The following ZNF804B variants were observed in gnomAD, a reference collection of about 807,000 sequenced individuals.
ZNF804B encodes zinc finger 804B.
Under a neutral mutation model 101.4 loss-of-function variants are expected in ZNF804B, and 80 were observed. The ratio of observed to expected loss-of-function variants is 0.79; its 90% CI spans 0.66 to 0.95. ZNF804B has a LOEUF of 0.95. ZNF804B is among the 40% of genes least tolerant of loss of function. The pLI, the probability that ZNF804B is intolerant of heterozygous loss-of-function variation, is 0.00. For synonymous variants in ZNF804B, 622 were observed against 558.8 expected, an observed-to-expected ratio of 1.11 and a Z score of -1.59; for missense variants, 1,673 against 1,561.9, an observed-to-expected ratio of 1.07 and a Z score of -1.20.
At chr7:89,256,858 G>A (rs946055355) in intron 2 of ZNF804B, among the ~76,000 whole-genome samples, 15 of 152,188 alleles carry the variant, frequency 9.9e-5, no homozygotes, top group Non-Finnish European at 2.2e-4. Flanking sequence ...TATGGCACTA[G>A]CAGCTGGTGA....
chr7:89,152,254 T>C (rs1041909375), intron 1 of ZNF804B, among the ~76,000 whole-genome samples: 9 of 57,290 alleles, frequency 1.6e-4, no homozygotes, highest in Non-Finnish European at 3.1e-4. Context: ...TGGTTTTTTC[T>C]TTTTTTTTTT....
chr7:88,761,774 A>G (rs1387964860), intron 1 of ZNF804B, among the ~76,000 whole-genome samples: 1 of 152,160 alleles, frequency 6.6e-6, no homozygotes, highest in Non-Finnish European at 1.5e-5. Context: ...TTGCTTCATA[A>G]TCTTACACGG....
chr7:89,047,516 G>A (rs1789128951), intron 1 of ZNF804B, among the ~76,000 whole-genome samples: 1 of 152,148 alleles, frequency 6.6e-6, no homozygotes. Context: ...TGGCTGGGAA[G>A]CATAGCCTCC....
chr7:89,311,847 T>A lies in ZNF804B; in HGVS notation c.250-15497T>A, dbSNP rs553338719. ...ATGTCTGATATAATATGGGTTACAATGACACTACAAAGTTTAACTTTGGAT... is the reference window on the plus strand; with the variant it reads ...ATGTCTGATATAATATGGGTTACAAAGACACTACAAAGTTTAACTTTGGAT... On this transcript the variant is annotated intron_variant, in intron 2 of 3. Transcript: ENST00000333190. Among the ~76,000 whole-genome samples, 38 of 152,328 alleles carry A rather than the reference T, an allele frequency of 2.5e-4. No individual in the cohort carries two copies. In the South Asian group the frequency reaches 7.5e-3, roughly 30 times the overall value.
chr7:88,951,505 A>G (rs964180365), intron 1 of ZNF804B, among the ~76,000 whole-genome samples: 4 of 143,630 alleles, frequency 2.8e-5, no homozygotes, highest in African/African-American at 7.7e-5. Context: ...TATTTCTGTA[A>G]TTGATTCTGC....
chr7:88,877,047 ATATTTTTTTT>A (rs1161239161), intron 1 of ZNF804B, among the ~76,000 whole-genome samples: 9 of 28,760 alleles, frequency 3.1e-4, no homozygotes, highest in African/African-American at 4.1e-4. Flanking sequence ...ATATATATAT[ATATTTTTTTT>A]TTTTTTTTTT....
chr7:88,984,409 G>C (rs2116139913), intron 1 of ZNF804B, among the ~76,000 whole-genome samples: 1 of 152,020 alleles, frequency 6.6e-6, no homozygotes, highest in Admixed American at 6.6e-5. Flanking sequence ...TGTTTACTTA[G>C]ACTCTTGCCA....
chr7:89,299,675 G>A (rs922381671), intron 2 of ZNF804B, among the ~76,000 whole-genome samples: 7 of 151,954 alleles, frequency 4.6e-5, no homozygotes, highest in Non-Finnish European at 8.8e-5. Flanking sequence ...GATTAAACAC[G>A]TCTGACGTGA....
chr7:88,832,784 C>T (rs1234178685), intron 1 of ZNF804B, among the ~76,000 whole-genome samples: 2 of 151,962 alleles, frequency 1.3e-5, no homozygotes, highest in East Asian at 3.9e-4. Context: ...TAGCTCACTG[C>T]TTGCACTATC....
intron 2 of ZNF804B, among the ~76,000 whole-genome samples, chr7:89,300,988 A>C (rs374852665): frequency 3.0e-4 from 45 of 151,772 alleles, no homozygotes; most frequent in African/African-American, 1.1e-3. Flanking sequence ...AAAAGCTACT[A>C]ATATATAACT....
intron 1 of ZNF804B, among the ~76,000 whole-genome samples, chr7:88,813,953 G>A (rs1194365088): frequency 6.6e-6 from 1 of 152,102 alleles, no homozygotes; most frequent in Non-Finnish European, 1.5e-5. Context: ...GTGAATTCTT[G>A]ACATGCATAG....
chr7:89,243,932 A>C (rs373114165), intron 2 of ZNF804B, among the ~76,000 whole-genome samples: 1 of 152,012 alleles, frequency 6.6e-6, no homozygotes, highest in Non-Finnish European at 1.5e-5. Context: ...TTCCAAATAC[A>C]TAAGATGTAA....
At chr7:89,177,701 G>T (rs983981369) in intron 1 of ZNF804B, among the ~76,000 whole-genome samples, 1 of 152,092 alleles carries the variant, frequency 6.6e-6, no homozygotes, top group South Asian at 2.1e-4. Context: ...ATGAAAATGG[G>T]GTGTTGAATT....
At chr7:88,831,576 A>T (rs1432829949) in intron 1 of ZNF804B, among the ~76,000 whole-genome samples, 2 of 151,964 alleles carry the variant, frequency 1.3e-5, no homozygotes, top group Non-Finnish European at 2.9e-5. Flanking sequence ...ACAAACAAAA[A>T]AAAAATTGAA....
chr7:89,266,731 T>C (rs1278294505), intron 2 of ZNF804B, among the ~76,000 whole-genome samples: 1 of 152,202 alleles, frequency 6.6e-6, no homozygotes, highest in East Asian at 1.9e-4. Context: ...TTTATGTTTC[T>C]TTATTTGGTT....
At chr7:88,991,192 G>A (rs1212231572) in intron 1 of ZNF804B, among the ~76,000 whole-genome samples, 1 of 152,132 alleles carries the variant, frequency 6.6e-6, no homozygotes, top group Non-Finnish European at 1.5e-5. Flanking sequence ...CATGATTTTA[G>A]TCAGATCCCA....
chr7:88,869,903 CA>C (rs1791788898), intron 1 of ZNF804B, among the ~76,000 whole-genome samples: 1 of 152,210 alleles, frequency 6.6e-6, no homozygotes, highest in Non-Finnish European at 1.5e-5. Flanking sequence ...GAAGATGTAT[CA>C]GCCAGAGGTC....
At chr7:88,813,444 GA>G (rs1024181351) in intron 1 of ZNF804B, among the ~76,000 whole-genome samples, 2 of 148,722 alleles carry the variant, frequency 1.3e-5, no homozygotes, top group African/African-American at 2.5e-5. Context: ...AAAAAGAAAA[GA>G]AAAAAATGTT....
At chr7:88,840,325 T>C (rs1374314465) in intron 1 of ZNF804B, among the ~76,000 whole-genome samples, 2 of 152,134 alleles carry the variant, frequency 1.3e-5, no homozygotes, top group Non-Finnish European at 2.9e-5. Context: ...CAGCTTATTA[T>C]TTCCTATTAC....
Sources: gnomAD v4.1 joint callset for allele counts (sites outside exome capture counted in the v4.1 genomes callset) on GRCh38, gnomAD v4.1.1 for gene constraint, MANE v1.5 for transcripts, NCBI Gene and HGNC (gene_info 2026-07-23, HGNC 2026-07-21) for gene names.